The following MPDZ variants were observed in gnomAD, a reference collection of about 807,000 sequenced individuals.
MPDZ encodes the protein multiple PDZ domain protein.
In MPDZ, 234 loss-of-function variants were observed where a neutral mutation model predicts 239.1. That is an observed-to-expected ratio of 0.98 (90% confidence interval 0.88 to 1.09). MPDZ has a LOEUF of 1.09. Among genes scored for constraint, MPDZ ranks in the 50% least tolerant of loss-of-function variants. MPDZ has a pLI of 0.00. For synonymous variants in MPDZ, 1,048 were observed against 881.3 expected (o/e 1.19, Z -3.35); for missense variants, 3,175 against 2,510.0 (o/e 1.26, Z -5.66).
chr9:13,236,262 TATATA>T lies in MPDZ; in HGVS notation c.183+11368_183+11372del, dbSNP rs1380802535. Among the ~76,000 whole-genome samples the T allele has an allele frequency of 2.2e-4, 5 of 22,844 alleles. 1 individual carries two copies. Among genetic ancestry groups the T allele is most frequent in the Non-Finnish European group, 3.8e-4 (4 of 10,424 alleles). 15.0% of individuals were successfully genotyped at this position (22,844 alleles called of 152,430 possible). On this transcript the variant is annotated intron_variant, in intron 3 of 46. Coordinates refer to ENST00000319217, the MANE Select transcript of MPDZ (RefSeq NM_001378778.1). ...GTGTGTGTGTGTGTATATATATATA[TATATA>T]TTTTTTTTTTTTTTTTTTTTTTTTT...
intron 21 of MPDZ, 146 bp from the exon 22 acceptor site, chr9:13,168,710 G>C: frequency 6.1e-6 from 4 of 654,030 alleles, no homozygotes; most frequent in Non-Finnish European, 7.3e-6. Context: ...ACAGGAAAAA[G>C]TGTTTCTAAC....
At chr9:13,232,283 C>G (rs1423876370) in intron 3 of MPDZ, among the ~76,000 whole-genome samples, 1 of 152,110 alleles carries the variant, frequency 6.6e-6, no homozygotes, top group South Asian at 2.1e-4. Context: ...CCCAGCAAAA[C>G]AATTAGAAAC....
intron 3 of MPDZ, among the ~76,000 whole-genome samples, chr9:13,245,424 A>AG (rs1554720814): frequency 7.9e-5 from 12 of 151,540 alleles, no homozygotes; most frequent in Middle Eastern, 3.4e-3. Flanking sequence ...AAAAAAAAAA[A>AG]AAGAAGAAGA....
Position 13,173,619 on chromosome 9 carries a change from T to C in MPDZ, c.3055+2133A>G, listed in dbSNP as rs181064654. Among the ~76,000 whole-genome samples the C allele has an allele frequency of 7.1e-4, 107 of 151,672 alleles. 1 individual carries two copies. The highest frequency in any genetic ancestry group is 1.4e-3 in the Non-Finnish European group (92 of 67,888). On this transcript the variant is annotated intron_variant, in intron 21 of 46. Coordinates refer to ENST00000319217, the MANE Select transcript of MPDZ (RefSeq NM_001378778.1). ...TCAGGAGGCTGAGAGGGATGAGAAT[T>C]GCTTGAACTCAGGAGACGGAAGTTG...
intron 10 of MPDZ, among the ~76,000 whole-genome samples, chr9:13,207,828 T>A (rs1455732112): frequency 6.6e-6 from 1 of 152,212 alleles, no homozygotes; most frequent in Non-Finnish European, 1.5e-5. Context: ...GGCTCATAGG[T>A]CAAAAACTTA....
intron 24 of MPDZ, among the ~76,000 whole-genome samples, chr9:13,151,416 T>G (rs1563912954): frequency 1.3e-5 from 2 of 152,024 alleles, no homozygotes; most frequent in African/African-American, 4.8e-5. Context: ...AAGAAATGAG[T>G]AGATAAAATA....
intron 18 of MPDZ, among the ~76,000 whole-genome samples, chr9:13,185,238 A>G (rs1340527300): frequency 2.6e-5 from 4 of 152,076 alleles, no homozygotes; most frequent in Non-Finnish European, 4.4e-5. Flanking sequence ...AACATATACC[A>G]AAACTTTTCA....
chr9:13,137,098 G>A (rs949758503), intron 29 of MPDZ, among the ~76,000 whole-genome samples: 4 of 152,022 alleles, frequency 2.6e-5, no homozygotes, highest in Non-Finnish European at 5.9e-5. Flanking sequence ...TTCCTGGCAG[G>A]CACTGGGCTC....
chr9:13,229,073 T>A lies in MPDZ; in HGVS notation c.184-4490A>T, dbSNP rs1199089335. On this transcript the variant is annotated intron_variant, in intron 3 of 46. Coordinates refer to ENST00000319217, the MANE Select transcript of MPDZ (RefSeq NM_001378778.1). The stretch of plus-strand genomic sequence containing the variant: ...TGTGCTAGGAGAGCTGTTTCTAGAG[T>A]AGCATCCAAGAAAACATAATTTATC... Among the ~76,000 whole-genome samples, 3 of 152,046 alleles carry A rather than the reference T, an allele frequency of 2.0e-5. No homozygotes were observed. In the East Asian group the frequency reaches 5.8e-4, roughly 29 times the overall value.
At chr9:13,136,003 C>T (rs1264979828) in intron 31 of MPDZ, 89 bp downstream of exon 31, 1 of 860,830 alleles carries the variant, frequency 1.2e-6, no homozygotes, top group African/African-American at 1.7e-5. Flanking sequence ...TCTAATATCC[C>T]TCTCTAAGTG....
intron 18 of MPDZ, among the ~76,000 whole-genome samples, chr9:13,185,567 G>A (rs948950072): frequency 6.6e-6 from 1 of 152,002 alleles, no homozygotes; most frequent in South Asian, 2.1e-4. Context: ...TGTACAATTT[G>A]TTGTATTTAT....
At position 13,168,497 on chromosome 9, in the gene MPDZ, G is replaced by T. The variant is rs775117968; in HGVS notation, c.3123C>A (p.Ala1041=). The T allele has an allele frequency of 1.9e-5, 30 of 1,613,328 alleles. No homozygotes were observed. Among genetic ancestry groups the T allele is most frequent in the Non-Finnish European group, 2.3e-5 (27 of 1,179,552 alleles). ...MIVRSIIHGG[A]ISRDGRIAIG... ...TGGCAATCCGGCCATCTCGACTAAT[G>T]GCACCTCCATGAATAATGCTTCGAA... Residue 1041 remains alanine (A), a synonymous_variant, in exon 22 of 47, where the codon GCC becomes GCA. Coordinates refer to ENST00000319217, the MANE Select transcript of MPDZ (RefSeq NM_001378778.1).
In MPDZ at chr9:13,112,130, A is replaced by T. The variant is rs1331200305; in HGVS notation, c.5618T>A (p.Leu1873Gln). The T allele has an allele frequency of 6.2e-7, 1 of 1,612,868 alleles. No individual in the cohort carries two copies. Among genetic ancestry groups the T allele is most frequent in the Non-Finnish European group, 8.5e-7 (1 of 1,179,284 alleles). Residue 1873 changes from leucine to glutamine, a missense_variant, in exon 43 of 47, where the codon CTG becomes CAG. Coordinates refer to ENST00000319217, the MANE Select transcript of MPDZ (RefSeq NM_001378778.1). ...TACTCCTCCAGCGATGCTGATTCCC[A>T]GTGAGTCAGTAGGGCCCTGCCATGG... Reference protein sequence around the residue: ...VEMKKGPTDSLGISIAGGVGS... With the variant: ...VEMKKGPTDSQGISIAGGVGS...
intron 15 of MPDZ, 136 bp from the exon 16 acceptor site, chr9:13,190,435 T>C (rs924358025): frequency 2.7e-6 from 2 of 742,206 alleles, no homozygotes; most frequent in African/African-American, 3.6e-5. Context: ...CAGCTTTTCA[T>C]GAAACCTTTA....
chr9:13,198,784 T>TGTGTGTG (rs1491106957), intron 12 of MPDZ, among the ~76,000 whole-genome samples: 23 of 149,170 alleles, frequency 1.5e-4, no homozygotes, highest in South Asian at 4.3e-4. Flanking sequence ...TGTGTGTGTG[T>TGTGTGTG]TTTAGGACAG....
At chr9:13,141,800 G>C (rs1347027431) in intron 27 of MPDZ, among the ~76,000 whole-genome samples, 1 of 152,136 alleles carries the variant, frequency 6.6e-6, no homozygotes, top group Non-Finnish European at 1.5e-5. Flanking sequence ...CTGACTGATA[G>C]AGATTTAAGG....
rs758957330 is a variant in MPDZ at position 13,186,291 on chromosome 9, G to C, written c.2460C>G (p.Leu820=). The change falls in exon 18 of 47, where the codon CTC becomes CTG. Residue 820 remains leucine (L), a synonymous_variant. Transcript: ENST00000319217. ...CEEAGLADKP[L]FRADLALVGT... ...TAACCAGAGCCAAGTCAGCCCTGAA[G>C]AGGGGTTTGTCAGCCAGCCCTGCTT... 9 of 1,591,122 alleles carry C rather than the reference G, an allele frequency of 5.7e-6. No individual in the cohort carries two copies. The highest frequency in any genetic ancestry group is 4.6e-5 in the East Asian group (2 of 43,918).
rs1266330111 is a variant in MPDZ at position 13,279,288 on chromosome 9, CCCCCACCCCCAA to C, written c.-58+100_-58+111del. On this transcript the variant is annotated intron_variant, in intron 1 of 46. Transcript: ENST00000319217. ...ACCCCCACCCCCATCCCCGCCCCCACCCCCACCCCCAAGCGCCGAGCCCAGGGCGCCCGCGCA... is the reference window on the plus strand; with the variant it reads ...ACCCCCACCCCCATCCCCGCCCCCACGCGCCGAGCCCAGGGCGCCCGCGCA... 6.1e-5 allele frequency: 8 copies of C among 131,098 alleles called. 1 individual carries two copies. The South Asian group carries it at 1.6e-3, about 27-fold the overall frequency. 8.1% of individuals were successfully genotyped at this position (131,098 alleles called of 1,614,324 possible).
At chr9:13,157,904 C>A in intron 24 of MPDZ, 114 bp downstream of exon 24, 1 of 827,674 alleles carries the variant, frequency 1.2e-6, no homozygotes, top group Non-Finnish European at 2.0e-6. Flanking sequence ...AAGTATTAAA[C>A]AACTCACCCG....
Sources: gnomAD v4.1 joint callset for allele counts (sites outside exome capture counted in the v4.1 genomes callset) on GRCh38, gnomAD v4.1.1 for gene constraint, MANE v1.5 for transcripts, NCBI Gene and HGNC (gene_info 2026-07-23, HGNC 2026-07-21) for gene names.